Variants in ITK observed in about 807,000 individuals in gnomAD.
The protein encoded by ITK is tyrosine-protein kinase ITK/TSK.
ITK carries 45 observed loss-of-function variants against 87.6 expected under a neutral mutation model. The observed-to-expected ratio is 0.51, with a 90% confidence interval of 0.40 to 0.66. ITK has a LOEUF of 0.66. ITK is among the 30% of genes least tolerant of loss of function. The pLI is 0.00. For synonymous variants in ITK, 303 were observed against 273.6 expected, an observed-to-expected ratio of 1.11 and a Z score of -1.06; for missense variants, 605 against 766.3, an observed-to-expected ratio of 0.79 and a Z score of 2.48.
intron 6 of ITK, among the ~76,000 whole-genome samples, chr5:157,226,725 C>T: frequency 6.6e-6 from 1 of 152,122 alleles, no homozygotes; most frequent in Non-Finnish European, 1.5e-5. Flanking sequence ...TGAAAATTGG[C>T]CTTATTATAA....
chr5:157,214,647 T>C (rs1186692730), intron 4 of ITK, among the ~76,000 whole-genome samples: 1 of 152,126 alleles, frequency 6.6e-6, no homozygotes, highest in African/African-American at 2.4e-5. Context: ...AGGAGACTTA[T>C]GTGCACAGTA....
intron 1 of ITK, among the ~76,000 whole-genome samples, chr5:157,204,474 T>C (rs941397065): frequency 6.6e-6 from 1 of 152,080 alleles, no homozygotes; most frequent in East Asian, 1.9e-4. Context: ...TTGAGGTGGG[T>C]GGACCACAGG....
intron 4 of ITK, among the ~76,000 whole-genome samples, chr5:157,217,149 A>G (rs1448883691): frequency 2.0e-5 from 3 of 152,000 alleles, no homozygotes; most frequent in Non-Finnish European, 4.4e-5. Context: ...ACAAAGGAGA[A>G]ATAGTGAGAG....
In ITK at chr5:157,217,715, G is replaced by C. The variant is rs536045356; in HGVS notation, c.455-152G>C. ...ACAGCTTCTGACAAGGCCAAGTCAG[G>C]TTTCACTGTGTCTTATTGCTCCTTC... is the stretch of plus-strand genomic sequence containing the variant. On this transcript the variant is annotated intron_variant, in intron 4 of 16. Coordinates refer to ENST00000422843, the MANE Select transcript of ITK (RefSeq NM_005546.4). 18 of 692,128 alleles carry C rather than the reference G, an allele frequency of 2.6e-5. No individual in the cohort carries two copies. In the African/African-American group the frequency reaches 3.0e-4, roughly 12 times the overall value. The allele number at this position is 692,128 out of a possible 1,614,324, so 42.9% of individuals were successfully genotyped here. A position where few individuals can be genotyped will look rare whatever the true frequency, so the allele number is the denominator to read the frequency against.
At chr5:157,210,927 C>T (rs1754178442) in intron 2 of ITK, among the ~76,000 whole-genome samples, 1 of 151,996 alleles carries the variant, frequency 6.6e-6, no homozygotes, top group African/African-American at 2.4e-5. Context: ...ACTCTCATTG[C>T]ACATTTGTCA....
intron 1 of ITK, among the ~76,000 whole-genome samples, chr5:157,199,985 A>G (rs562652620): frequency 1.3e-5 from 2 of 152,164 alleles, no homozygotes; most frequent in South Asian, 2.1e-4. Context: ...GGGGTTTTGT[A>G]CATAGCAGAG....
chr5:157,187,757 C>G (rs1248099490), intron 1 of ITK, among the ~76,000 whole-genome samples: 1 of 151,936 alleles, frequency 6.6e-6, no homozygotes, highest in African/African-American at 2.4e-5. Context: ...CCTGTCTTAC[C>G]CCTCCTTCCT....
chr5:157,253,016 T>C lies in ITK; in HGVS notation c.*338T>C, dbSNP rs1185059515. Reference sequence around the variant, plus strand: ...TCTTAGCAACAGAGAGAGACATGAGTAAGACCCAGATTGCTATTTTTATTG... The same window carrying C: ...TCTTAGCAACAGAGAGAGACATGAGCAAGACCCAGATTGCTATTTTTATTG... On this transcript the variant is annotated 3_prime_UTR_variant, in exon 17 of 17. Transcript: ENST00000422843. 4 of 410,292 alleles carry C rather than the reference T, an allele frequency of 9.7e-6. No homozygotes were observed. Among genetic ancestry groups the C allele is most frequent in the African/African-American group, 7.9e-5 (4 of 50,932 alleles). 25.4% of individuals were successfully genotyped at this position (410,292 alleles called of 1,614,324 possible).
In ITK at chr5:157,254,753, A is replaced by T. The variant is rs1755217801; in HGVS notation, c.*2075A>T. The stretch of plus-strand genomic sequence containing the variant: ...GGAACATTCAGTCTAGAAAGAAAAC[A>T]TTGGAATTGACTGATCTCTGTGGTT... On this transcript the variant is annotated 3_prime_UTR_variant, in exon 17 of 17. Coordinates refer to ENST00000422843, the MANE Select transcript of ITK (RefSeq NM_005546.4). The T allele has an allele frequency of 4.6e-6, 1 of 218,214 alleles. No homozygotes were observed. Among genetic ancestry groups the T allele is most frequent in the Non-Finnish European group, 9.2e-6 (1 of 108,616 alleles). The allele number at this position is 218,214 out of a possible 1,614,324, so 13.5% of individuals were successfully genotyped here.
At chr5:157,222,748 C>A in intron 5 of ITK, 115 bp from the exon 6 acceptor site, 1 of 969,986 alleles carries the variant, frequency 1.0e-6, no homozygotes, top group Non-Finnish European at 1.6e-6. Flanking sequence ...AACTCTAACT[C>A]ATAAAGAAAG....
At chr5:157,249,159 G>C in intron 16 of ITK, 152 bp downstream of exon 16, 1 of 741,228 alleles carries the variant, frequency 1.3e-6, no homozygotes, top group Non-Finnish European at 2.3e-6. Flanking sequence ...CTGTTAACGG[G>C]ATAGATCCCC....
intron 13 of ITK, 90 bp downstream of exon 13, chr5:157,244,568 T>C: frequency 1.3e-6 from 1 of 792,710 alleles, no homozygotes; most frequent in East Asian, 2.6e-5. Flanking sequence ...AAATAATACA[T>C]TACAGATAAT....
intron 3 of ITK, chr5:157,213,766 C>T: frequency 2.9e-6 from 1 of 350,266 alleles, no homozygotes; most frequent in Non-Finnish European, 5.6e-6. Context: ...AAGCCACAAA[C>T]CTAGAAGGGA....
At position 157,236,137 on chromosome 5, in the gene ITK, G is replaced by A. The variant is rs1173321485; in HGVS notation, c.769-1972G>A. Among the ~76,000 whole-genome samples the A allele has an allele frequency of 3.3e-5, 5 of 152,294 alleles. No individual in the cohort carries two copies. The East Asian group carries it at 7.7e-4, about 24-fold the overall frequency. ...GCTTGTAATCCCAGCACTTTGGGAGGCCGAGGCAGGCGGATCACTGGAGGT... is the reference window on the plus strand; with the variant it reads ...GCTTGTAATCCCAGCACTTTGGGAGACCGAGGCAGGCGGATCACTGGAGGT... On this transcript the variant is annotated intron_variant, in intron 8 of 16. Coordinates refer to ENST00000422843, the MANE Select transcript of ITK (RefSeq NM_005546.4).
intron 1 of ITK, among the ~76,000 whole-genome samples, chr5:157,184,408 C>T (rs752969707): frequency 7.9e-5 from 12 of 152,168 alleles, no homozygotes; most frequent in Admixed American, 2.0e-4. Flanking sequence ...CCGAGTCCAG[C>T]ACACCGTCGG....
At position 157,248,830 on chromosome 5, in the gene ITK, G is replaced by A. The variant is rs376886440; in HGVS notation, c.1634-20G>A. On this transcript the variant is annotated intron_variant, in intron 15 of 16. Transcript: ENST00000422843. Reference sequence around the variant, plus strand: ...TGTGGGCTTTGTCATTCACTGTGCTGTGCTCACCATTTCTTGTAGGTGTGC... The same window carrying A: ...TGTGGGCTTTGTCATTCACTGTGCTATGCTCACCATTTCTTGTAGGTGTGC... The A allele has an allele frequency of 6.1e-5, 99 of 1,613,878 alleles. No homozygotes were observed. The African/African-American group carries it at 1.1e-3, about 19-fold the overall frequency.
intron 1 of ITK, among the ~76,000 whole-genome samples, chr5:157,204,092 C>G (rs1754030446): frequency 6.6e-6 from 1 of 152,202 alleles, no homozygotes; most frequent in East Asian, 1.9e-4. Flanking sequence ...CTCACTGCAG[C>G]CTGAAACATA....
chr5:157,210,600 T>G (rs1754170976), intron 2 of ITK, among the ~76,000 whole-genome samples: 1 of 151,608 alleles, frequency 6.6e-6, no homozygotes, highest in South Asian at 2.1e-4. Flanking sequence ...TTGTGCAGGT[T>G]AGTTACATAT....
rs540329798 is a variant in ITK, at chr5:157,180,843, G to A, written c.-135G>A. 6.4e-5 allele frequency: 51 copies of A among 794,180 alleles called. No individual in the cohort carries two copies. In the Middle Eastern group the frequency reaches 6.8e-4, roughly 11 times the overall value. 49.2% of individuals were successfully genotyped at this position (794,180 alleles called of 1,614,324 possible). A position where few individuals can be genotyped will look rare whatever the true frequency, so the allele number is the denominator to read the frequency against. Reference sequence around the variant, plus strand: ...GGCTGAACGTTGATAGAAAGATAACGTTGAAGGCAAGTTGCCCTTGAGCAG... The same window carrying A: ...GGCTGAACGTTGATAGAAAGATAACATTGAAGGCAAGTTGCCCTTGAGCAG... On this transcript the variant is annotated 5_prime_UTR_variant, in exon 1 of 17. Transcript: ENST00000422843.
Sources: allele counts gnomAD v4.1 joint callset (sites outside exome capture counted in the v4.1 genomes callset), GRCh38; gene constraint gnomAD v4.1.1; transcripts MANE v1.5; gene names NCBI Gene and HGNC (gene_info 2026-07-23, HGNC 2026-07-21).